The following XKR9 variants were observed in gnomAD, a reference collection of about 807,000 sequenced individuals.
The protein encoded by XKR9 is XK related 9, also known as XK-related protein 9.
XKR9 carries 32 observed loss-of-function variants against 32.0 expected under a neutral mutation model. The ratio of observed to expected loss-of-function variants is 1.00; its 90% CI spans 0.76 to 1.34. The LOEUF (loss-of-function observed/expected upper bound fraction) is 1.34. Among genes scored for constraint, XKR9 ranks in the 40% most tolerant of loss-of-function variants. The pLI, the probability that XKR9 is intolerant of heterozygous loss-of-function variation, is 0.00. For missense variants in XKR9, 546 were observed against 429.7 expected, an observed-to-expected ratio of 1.27 and a Z score of -2.39; for synonymous variants, 168 against 143.4, an observed-to-expected ratio of 1.17 and a Z score of -1.22.
intron 4 of XKR9, among the ~76,000 whole-genome samples, chr8:70,712,710 C>T (rs1202127785): frequency 6.6e-6 from 1 of 152,012 alleles, no homozygotes; most frequent in Non-Finnish European, 1.5e-5. Flanking sequence ...AAAAAACAAA[C>T]AAAATAACTC....
chr8:70,684,152 C>G (rs1356483792), intron 3 of XKR9, among the ~76,000 whole-genome samples: 1 of 152,042 alleles, frequency 6.6e-6, no homozygotes, highest in Non-Finnish European at 1.5e-5. Context: ...ATTTCTCTTG[C>G]TTAGGATTTG....
At chr8:70,808,346 C>T in the XKR9 span, among the ~76,000 whole-genome samples, 4 of 152,314 alleles carry the variant, frequency 2.6e-5, no homozygotes, top group East Asian at 7.7e-4. Context: ...AGGAACAGCT[C>T]CAGTCTACAG....
At chr8:70,963,550 TC>T in the XKR9 span, among the ~76,000 whole-genome samples, 1 of 152,238 alleles carries the variant, frequency 6.6e-6, no homozygotes, top group Non-Finnish European at 1.5e-5. Flanking sequence ...CACATTGTCT[TC>T]CACAATGGTT....
At chr8:70,692,577 T>C (rs142454666) in intron 3 of XKR9, among the ~76,000 whole-genome samples, 1 of 123,962 alleles carries the variant, frequency 8.1e-6, no homozygotes, top group East Asian at 2.0e-4. Flanking sequence ...GCTCTTATTA[T>C]TATTATTCTT....
At chr8:70,949,766 G>T in the XKR9 span, among the ~76,000 whole-genome samples, 5 of 152,108 alleles carry the variant, frequency 3.3e-5, no homozygotes, top group African/African-American at 9.7e-5. Context: ...TAAGGGGTCG[G>T]TTTATTTGGG....
chr8:70,720,542 A>G (rs184662224), intron 4 of XKR9, among the ~76,000 whole-genome samples: 96 of 152,318 alleles, frequency 6.3e-4, no homozygotes, highest in Non-Finnish European at 1.2e-3. Context: ...CCTTTTCTGC[A>G]TCTGTTGAGA....
downstream of XKR9, among the ~76,000 whole-genome samples, chr8:70,737,355 A>T (rs1421996315): frequency 6.8e-6 from 1 of 147,940 alleles, no homozygotes; most frequent in Non-Finnish European, 1.5e-5. Context: ...TTATCAGCTT[A>T]AGGAGATTTT....
chr8:70,858,836 C>T, the XKR9 span, among the ~76,000 whole-genome samples: 3 of 152,040 alleles, frequency 2.0e-5, no homozygotes, highest in Admixed American at 6.6e-5. Flanking sequence ...CCCTATTCCT[C>T]ACCATAACAA....
chr8:70,930,954 C>T, the XKR9 span, among the ~76,000 whole-genome samples: 1 of 152,080 alleles, frequency 6.6e-6, no homozygotes, highest in South Asian at 2.1e-4. Context: ...GGTTTAAACA[C>T]AAAAGCTAAA....
At chr8:70,709,830 G>T (rs1183713607) in intron 4 of XKR9, among the ~76,000 whole-genome samples, 1 of 152,182 alleles carries the variant, frequency 6.6e-6, no homozygotes, top group Non-Finnish European at 1.5e-5. Context: ...AACATTTGAT[G>T]CTCATGGACA....
At chr8:71,061,897 T>C in the XKR9 span, among the ~76,000 whole-genome samples, 1 of 152,242 alleles carries the variant, frequency 6.6e-6, no homozygotes, top group African/African-American at 2.4e-5. Context: ...AGAACTCTTA[T>C]AGTCATCGCT....
At chr8:70,875,355 G>A in the XKR9 span, among the ~76,000 whole-genome samples, 3 of 152,140 alleles carry the variant, frequency 2.0e-5, no homozygotes, top group Non-Finnish European at 4.4e-5. Context: ...TGGTGTGAAG[G>A]CATGTATTCT....
intron 4 of XKR9, among the ~76,000 whole-genome samples, chr8:70,731,982 A>G (rs1256416885): frequency 2.6e-5 from 4 of 152,082 alleles, no homozygotes; most frequent in Admixed American, 2.6e-4. Context: ...TCTCCCTGAA[A>G]TTTTCCTGAT....
At chr8:70,937,798 A>G in the XKR9 span, among the ~76,000 whole-genome samples, 3 of 152,112 alleles carry the variant, frequency 2.0e-5, no homozygotes, top group Non-Finnish European at 4.4e-5. Flanking sequence ...CTTCCAGCAC[A>G]CTGACCTCTA....
downstream of XKR9, among the ~76,000 whole-genome samples, chr8:70,790,713 A>T (rs1223480993): frequency 1.3e-5 from 2 of 152,090 alleles, no homozygotes. Flanking sequence ...TCTAGTCTTT[A>T]TCCTCTGCAA....
At chr8:70,698,862 G>T (rs1457705251) in intron 3 of XKR9, among the ~76,000 whole-genome samples, 1 of 151,992 alleles carries the variant, frequency 6.6e-6, no homozygotes, top group East Asian at 1.9e-4. Flanking sequence ...TATGAATCTG[G>T]GTGCTCCTGT....
the XKR9 span, among the ~76,000 whole-genome samples, chr8:71,050,248 T>G: frequency 1.2e-4 from 14 of 121,374 alleles, no homozygotes; most frequent in Admixed American, 2.4e-4. Flanking sequence ...TATATATATA[T>G]ATATATATAT....
the XKR9 span, among the ~76,000 whole-genome samples, chr8:70,976,517 G>T: frequency 5.3e-5 from 8 of 152,232 alleles, no homozygotes; most frequent in East Asian, 1.3e-3. Context: ...GATGGATTAC[G>T]TTTATTGATT....
At chr8:70,864,643 C>G in the XKR9 span, among the ~76,000 whole-genome samples, 1 of 152,228 alleles carries the variant, frequency 6.6e-6, no homozygotes, top group East Asian at 1.9e-4. Flanking sequence ...TGCCTATAAA[C>G]CCAAGCCTTC....
Sources: allele counts gnomAD v4.1 joint callset (sites outside exome capture counted in the v4.1 genomes callset), GRCh38; gene constraint gnomAD v4.1.1; transcripts MANE v1.5; gene names NCBI Gene and HGNC (gene_info 2026-07-23, HGNC 2026-07-21).